Variants in EAF2 observed in about 807,000 individuals in gnomAD.
EAF2 encodes ELL-associated factor 2.
EAF2 carries 29 observed loss-of-function variants against 29.4 expected under a neutral mutation model. That is an observed-to-expected ratio of 0.99 (90% CI 0.73 to 1.35). The LOEUF is 1.35. Ranked by LOEUF, EAF2 falls within the 40% of genes most tolerant of loss-of-function variation. The pLI is 0.00. For synonymous variants in EAF2, 103 were observed against 102.5 expected, an observed-to-expected ratio of 1.00 and a Z score of -0.03; for missense variants, 292 against 312.0, an observed-to-expected ratio of 0.94 and a Z score of 0.48.
intron 4 of EAF2, among the ~76,000 whole-genome samples, chr3:121,862,758 A>G (rs1395241550): frequency 6.6e-6 from 1 of 152,064 alleles, no homozygotes; most frequent in African/African-American, 2.4e-5. Context: ...AGGCACTCTG[A>G]TTTTTGGAAT....
At chr3:121,879,059 T>G (rs1029228802) in intron 5 of EAF2, among the ~76,000 whole-genome samples, 1 of 152,204 alleles carries the variant, frequency 6.6e-6, no homozygotes, top group African/African-American at 2.4e-5. Flanking sequence ...ATAATAGCCA[T>G]TTTAACTGGG....
chr3:121,881,852 A>G (rs1709195902), intron 5 of EAF2, among the ~76,000 whole-genome samples: 1 of 152,136 alleles, frequency 6.6e-6, no homozygotes, highest in Non-Finnish European at 1.5e-5. Context: ...AGTAAATTTG[A>G]CATAGGAACG....
rs757212300 is a variant in EAF2 at position 121,857,077 on chromosome 3, C to A, written c.405C>A (p.Ala135=). Residue 135 remains alanine (A), a synonymous_variant, in exon 4 of 6, where the codon GCC becomes GCA. Coordinates refer to ENST00000273668, the MANE Select transcript of EAF2 (RefSeq NM_018456.6). The part of the protein sequence containing the change: ...EQQQQQMWNS[A]RTPNLVKHSP... ...AGCAACAACAAATGTGGAATTCAGCCAGGACTCCCAATCTTGTAAAACATT... is the reference window on the plus strand; with the variant it reads ...AGCAACAACAAATGTGGAATTCAGCAAGGACTCCCAATCTTGTAAAACATT... 3 of 1,613,578 alleles carry A rather than the reference C, an allele frequency of 1.9e-6. No homozygotes were observed. Among genetic ancestry groups the A allele is most frequent in the Non-Finnish European group, 2.5e-6 (3 of 1,179,572 alleles).
Position 121,835,247 on chromosome 3 carries a change from C to G in EAF2, c.-39C>G. 10 of 1,591,788 alleles carry G rather than the reference C, an allele frequency of 6.3e-6. No homozygotes were observed. Among genetic ancestry groups the G allele is most frequent in the Non-Finnish European group, 8.6e-6 (10 of 1,159,660 alleles). ...TCAGGCTGAGGTGGCAGATAGTGAGCGCTGGTGGCGGAGTTAAAGTCAAAG... is the reference window on the plus strand; with the variant it reads ...TCAGGCTGAGGTGGCAGATAGTGAGGGCTGGTGGCGGAGTTAAAGTCAAAG... On this transcript the variant is annotated 5_prime_UTR_variant, in exon 1 of 6. Transcript: ENST00000273668.
At chr3:121,880,015 A>G (rs1020713594) in intron 5 of EAF2, among the ~76,000 whole-genome samples, 1 of 152,168 alleles carries the variant, frequency 6.6e-6, no homozygotes, top group African/African-American at 2.4e-5. Flanking sequence ...ATCTTTGAAC[A>G]TGGCATGTCT....
chr3:121,873,097 C>T (rs1576655017), intron 5 of EAF2: 1 of 679,244 alleles, frequency 1.5e-6, no homozygotes, highest in East Asian at 2.7e-5. Context: ...TTTCATTCTA[C>T]AATTTCTCCC....
At chr3:121,863,559 T>G (rs760920903) in intron 4 of EAF2, among the ~76,000 whole-genome samples, 35 of 152,126 alleles carry the variant, frequency 2.3e-4, no homozygotes, top group Admixed American at 1.4e-3. Flanking sequence ...AAGCACAGTA[T>G]TAGGGGTGGG....
chr3:121,849,341 G>A (rs1708586797), intron 2 of EAF2, among the ~76,000 whole-genome samples: 1 of 152,052 alleles, frequency 6.6e-6, no homozygotes, highest in Non-Finnish European at 1.5e-5. Flanking sequence ...TAATAAAAAC[G>A]AACACTGATA....
intron 5 of EAF2, among the ~76,000 whole-genome samples, chr3:121,877,555 TTAAAA>T (rs928006488): frequency 1.3e-5 from 2 of 151,782 alleles, no homozygotes; most frequent in African/African-American, 4.8e-5. Flanking sequence ...AAAAATTACT[TTAAAA>T]TAAGTTTAGA....
chr3:121,884,716 C>A (rs373246099), intron 5 of EAF2, among the ~76,000 whole-genome samples: 5 of 29,294 alleles, frequency 1.7e-4, no homozygotes, highest in East Asian at 6.2e-3. Context: ...TGAGCCACCG[C>A]GTGCCCGACC....
At chr3:121,855,838 T>C (rs1247059156) in intron 3 of EAF2, among the ~76,000 whole-genome samples, 8 of 152,168 alleles carry the variant, frequency 5.3e-5, no homozygotes, top group Non-Finnish European at 1.2e-4. Context: ...ACTAAGAAAT[T>C]AGGACATTAT....
intron 1 of EAF2, among the ~76,000 whole-genome samples, chr3:121,840,060 C>T (rs1372531492): frequency 6.6e-6 from 1 of 150,942 alleles, no homozygotes; most frequent in Non-Finnish European, 1.5e-5. Context: ...GTCGTGGTGG[C>T]GGGAGCCCGT....
At chr3:121,886,206 C>T in intron 5 of EAF2, 136 bp from the exon 6 acceptor site, 1 of 404,176 alleles carries the variant, frequency 2.5e-6, no homozygotes, top group Non-Finnish European at 4.4e-6. Context: ...AATTGTGTCA[C>T]TGAATTACAG....
chr3:121,845,456 A>AAG (rs1553726206), intron 2 of EAF2, among the ~76,000 whole-genome samples: 2 of 147,582 alleles, frequency 1.4e-5, no homozygotes, highest in African/African-American at 5.0e-5. Flanking sequence ...AAAAAAAAAA[A>AAG]AAAAAAGAAA....
At chr3:121,840,805 CAA>C (rs5852282) in intron 1 of EAF2, among the ~76,000 whole-genome samples, 4 of 86,890 alleles carry the variant, frequency 4.6e-5, no homozygotes, top group African/African-American at 4.7e-5. Flanking sequence ...GACTCCGTCT[CAA>C]AAAAAAAAAA....
At chr3:121,874,949 A>G (rs1576655979) in intron 5 of EAF2, among the ~76,000 whole-genome samples, 1 of 151,844 alleles carries the variant, frequency 6.6e-6, no homozygotes, top group Non-Finnish European at 1.5e-5. Context: ...GGAAAGGTAT[A>G]ATAATATAAT....
At chr3:121,876,959 G>A (rs560117071) in intron 5 of EAF2, among the ~76,000 whole-genome samples, 2 of 151,602 alleles carry the variant, frequency 1.3e-5, no homozygotes, top group Admixed American at 6.6e-5. Flanking sequence ...TTTTTAAAAC[G>A]CCATATGCTG....
At chr3:121,882,045 TA>T (rs1034748807) in intron 5 of EAF2, among the ~76,000 whole-genome samples, 2 of 152,124 alleles carry the variant, frequency 1.3e-5, no homozygotes, top group African/African-American at 4.8e-5. Context: ...CAGTATTTAT[TA>T]ATTTGAAAAC....
At chr3:121,876,436 A>T (rs981096512) in intron 5 of EAF2, among the ~76,000 whole-genome samples, 1 of 151,892 alleles carries the variant, frequency 6.6e-6, no homozygotes, top group African/African-American at 2.4e-5. Context: ...AAACAGAAGG[A>T]AAGTGTGGAA....
Sources: allele counts gnomAD v4.1 joint callset (sites outside exome capture counted in the v4.1 genomes callset), GRCh38; gene constraint gnomAD v4.1.1; transcripts MANE v1.5; gene names NCBI Gene and HGNC (gene_info 2026-07-23, HGNC 2026-07-21).